The following DPH6 variants were observed in gnomAD, a reference collection of about 807,000 sequenced individuals.
DPH6 encodes the protein diphthine--ammonia ligase.
In DPH6, 33 loss-of-function variants were observed where a neutral mutation model predicts 38.2. That is an observed-to-expected ratio of 0.86 (90% CI 0.65 to 1.15). The LOEUF is 1.15. Among genes scored for constraint, DPH6 ranks in the 50% most tolerant of loss-of-function variants. The pLI is 0.00. For missense variants in DPH6, 325 were observed against 320.0 expected (o/e 1.02, Z -0.12); for synonymous variants, 108 against 103.0 (o/e 1.05, Z -0.30).
At chr15:35,436,469 C>A (rs1025839910) in intron 5 of DPH6, among the ~76,000 whole-genome samples, 5 of 76,818 alleles carry the variant, frequency 6.5e-5, no homozygotes, top group African/African-American at 2.8e-4. Flanking sequence ...CCGTCTCAAA[C>A]AAAACAAACA....
At chr15:35,496,209 A>G (rs920509500) in intron 3 of DPH6, among the ~76,000 whole-genome samples, 1 of 152,148 alleles carries the variant, frequency 6.6e-6, no homozygotes, top group Non-Finnish European at 1.5e-5. Context: ...TTTTCTAACC[A>G]AAATAAAAGA....
At chr15:35,486,844 C>T (rs2054406657) in intron 3 of DPH6, among the ~76,000 whole-genome samples, 2 of 152,144 alleles carry the variant, frequency 1.3e-5, no homozygotes, top group Non-Finnish European at 1.5e-5. Context: ...GTCCCTTCTG[C>T]CTATGAGCCT....
At chr15:35,427,529 A>G (rs2053584561) in intron 5 of DPH6, among the ~76,000 whole-genome samples, 1 of 151,932 alleles carries the variant, frequency 6.6e-6, no homozygotes, top group African/African-American at 2.4e-5. Flanking sequence ...CTTGGTGATA[A>G]TGGAGAAACT....
chr15:35,467,849 T>G (rs2054147427), intron 3 of DPH6, among the ~76,000 whole-genome samples: 1 of 152,176 alleles, frequency 6.6e-6, no homozygotes, highest in Admixed American at 6.5e-5. Context: ...GTAGCAGATT[T>G]GTTTACACCA....
At chr15:35,401,253 C>T in intron 6 of DPH6, 1 of 1,040,062 alleles carries the variant, frequency 9.6e-7, no homozygotes, top group Non-Finnish European at 1.5e-6. Flanking sequence ...GTTCTGGAAA[C>T]TTTGGTGGTG....
At position 35,472,434 on chromosome 15, in the gene DPH6, G is replaced by A. The variant is rs1390022822; in HGVS notation, c.313-17614C>T. 3.9e-5 allele frequency among the ~76,000 whole-genome samples: 6 copies of A among 152,192 alleles called. No homozygotes were observed. In the East Asian group the frequency reaches 1.2e-3, roughly 29 times the overall value. ...CAACAGCAATGACTCTACCCAGGCAGAGAGAGAGGGAAGAACCAGTTTTCC... is the reference window on the plus strand; with the variant it reads ...CAACAGCAATGACTCTACCCAGGCAAAGAGAGAGGGAAGAACCAGTTTTCC... On this transcript the variant is annotated intron_variant, in intron 3 of 8. Transcript: ENST00000256538.
chr15:35,483,563 G>C (rs1419602403), intron 3 of DPH6, among the ~76,000 whole-genome samples: 1 of 151,788 alleles, frequency 6.6e-6, no homozygotes, highest in Non-Finnish European at 1.5e-5. Flanking sequence ...ATAACGAATA[G>C]TGAAGATAAT....
At chr15:35,180,109 TAGAG>T in the DPH6 span, among the ~76,000 whole-genome samples, 4 of 152,110 alleles carry the variant, frequency 2.6e-5, no homozygotes, top group African/African-American at 7.2e-5. Flanking sequence ...TTAGCTTAAA[TAGAG>T]AGAGAAGGTG....
At chr15:35,515,007 A>T (rs1206691067) in intron 3 of DPH6, among the ~76,000 whole-genome samples, 1 of 152,152 alleles carries the variant, frequency 6.6e-6, no homozygotes, top group Non-Finnish European at 1.5e-5. Flanking sequence ...ACATAGCAGT[A>T]ACTTCCTGCC....
At chr15:35,259,392 G>A (rs1248676822) in intron 3 of DPH6, among the ~76,000 whole-genome samples, 2 of 152,098 alleles carry the variant, frequency 1.3e-5, no homozygotes, top group Non-Finnish European at 2.9e-5. Flanking sequence ...TTCCTCCTGG[G>A]AGCAGCTGCT....
At chr15:35,534,377 CAAAA>C (rs55974798) in intron 3 of DPH6, among the ~76,000 whole-genome samples, 4 of 104,204 alleles carry the variant, frequency 3.8e-5, no homozygotes, top group East Asian at 2.8e-4. Context: ...AACTCTGTCT[CAAAA>C]AAAAAAAAAA....
At chr15:35,169,643 G>T in the DPH6 span, 1 of 152,128 alleles carries the variant, frequency 6.6e-6, no homozygotes, top group South Asian at 2.1e-4. Flanking sequence ...CCATGAAGGA[G>T]GCAGGTGACT....
At chr15:35,250,717 A>T (rs2051668327) in intron 3 of DPH6, among the ~76,000 whole-genome samples, 1 of 152,158 alleles carries the variant, frequency 6.6e-6, no homozygotes, top group African/African-American at 2.4e-5. Context: ...AGGACTAAAA[A>T]GTTCAAAATG....
At chr15:35,333,317 C>CA (rs2052342015) in intron 3 of DPH6, among the ~76,000 whole-genome samples, 1 of 151,684 alleles carries the variant, frequency 6.6e-6, no homozygotes, top group Non-Finnish European at 1.5e-5. Flanking sequence ...TGCAAAGGAG[C>CA]AAAAGTATTA....
chr15:35,463,373 C>T (rs1049614433), intron 3 of DPH6, among the ~76,000 whole-genome samples: 19 of 740 alleles, frequency 0.026, no homozygotes, highest in African/African-American at 0.048. Flanking sequence ...TAAATGTGCA[C>T]AAGTTATATA....
intron 5 of DPH6, among the ~76,000 whole-genome samples, chr15:35,421,146 T>C (rs2053499890): frequency 6.6e-6 from 1 of 152,188 alleles, no homozygotes; most frequent in Non-Finnish European, 1.5e-5. Flanking sequence ...GAATCAGTCA[T>C]TAAAAGTCTC....
At chr15:35,299,510 C>A in intron 3 of DPH6, 1 of 679,144 alleles carries the variant, frequency 1.5e-6, no homozygotes, top group African/African-American at 1.8e-5. Context: ...CAGCGCGGAG[C>A]CGGGGAGGCA....
chr15:35,542,110 T>C (rs1394112378), intron 2 of DPH6, among the ~76,000 whole-genome samples: 2 of 152,134 alleles, frequency 1.3e-5, no homozygotes, highest in East Asian at 3.8e-4. Context: ...TAGTGTACTT[T>C]GAAGTAAGAA....
At chr15:35,208,965 T>C in the DPH6 span, among the ~76,000 whole-genome samples, 1 of 152,168 alleles carries the variant, frequency 6.6e-6, no homozygotes, top group African/African-American at 2.4e-5. Context: ...ACAAGGTATA[T>C]CTTTTCACTT....
Sources: allele counts gnomAD v4.1 joint callset (sites outside exome capture counted in the v4.1 genomes callset), GRCh38; gene constraint gnomAD v4.1.1; transcripts MANE v1.5; gene names NCBI Gene and HGNC (gene_info 2026-07-23, HGNC 2026-07-21).